Variants in ZMAT4 observed in about 807,000 individuals in gnomAD.
The protein encoded by ZMAT4 is zinc finger matrin-type protein 4.
In ZMAT4, 17 loss-of-function variants were observed where a neutral mutation model predicts 28.7. The observed-to-expected ratio is 0.59, with a 90% CI of 0.41 to 0.89. ZMAT4 has a LOEUF of 0.89. ZMAT4 is among the 40% of genes least tolerant of loss of function. The pLI is 0.00. For synonymous variants in ZMAT4, 117 were observed against 109.2 expected (o/e 1.07, Z -0.44); for missense variants, 240 against 283.8 (o/e 0.85, Z 1.11).
chr8:40,839,122 GA>G lies in ZMAT4; in HGVS notation c.-4-13443del, dbSNP rs543689189. Among the ~76,000 whole-genome samples the G allele has an allele frequency of 5.8e-4, 88 of 152,260 alleles. 2 individuals are homozygous for G. In the East Asian group the frequency reaches 9.9e-3, roughly 17 times the overall value. ...AGAATATTTACTACCTTCCTTTGAA[GA>G]ATCACCTTGGGCAGGCAGAAACCAA... On this transcript the variant is annotated intron_variant, in intron 1 of 6. Transcript: ENST00000297737.
intron 2 of ZMAT4, among the ~76,000 whole-genome samples, chr8:40,785,031 G>T (rs1248092960): frequency 6.6e-6 from 1 of 152,174 alleles, no homozygotes; most frequent in Non-Finnish European, 1.5e-5. Flanking sequence ...TCCAGTGCTG[G>T]ACTGCAGGAT....
intron 1 of ZMAT4, among the ~76,000 whole-genome samples, chr8:40,864,673 G>T (rs1162464128): frequency 6.6e-6 from 1 of 152,180 alleles, no homozygotes; most frequent in Non-Finnish European, 1.5e-5. Context: ...AGTGATGACA[G>T]TTGGGTTGTG....
chr8:40,624,022 T>TAAAACA (rs1806289443), intron 5 of ZMAT4, among the ~76,000 whole-genome samples: 1 of 152,198 alleles, frequency 6.6e-6, no homozygotes, highest in Non-Finnish European at 1.5e-5. Flanking sequence ...CTGTTTTTCT[T>TAAAACA]GCCTGTGCTT....
chr8:40,575,736 A>G (rs1446349548), intron 6 of ZMAT4, among the ~76,000 whole-genome samples: 1 of 151,648 alleles, frequency 6.6e-6, no homozygotes, highest in Non-Finnish European at 1.5e-5. Flanking sequence ...TTATCAATGT[A>G]GAGACATAAA....
intron 1 of ZMAT4, among the ~76,000 whole-genome samples, chr8:40,844,065 G>A (rs752697527): frequency 2.0e-4 from 31 of 152,186 alleles, no homozygotes; most frequent in Non-Finnish European, 2.9e-4. Flanking sequence ...CCAGCCTGGA[G>A]CACTCTGGAA....
intron 1 of ZMAT4, among the ~76,000 whole-genome samples, chr8:40,830,198 A>G (rs974722272): frequency 2.0e-5 from 3 of 152,104 alleles, no homozygotes; most frequent in Non-Finnish European, 4.4e-5. Flanking sequence ...TTAAATTTTT[A>G]TTTTAGGTTC....
chr8:40,792,658 GGAGATGAGGA>G (rs1563487660), intron 2 of ZMAT4, among the ~76,000 whole-genome samples: 1 of 1,110 alleles, frequency 9.0e-4, no homozygotes, highest in Non-Finnish European at 1.8e-3. Flanking sequence ...GGAGGGGAGG[GGAGATGAGGA>G]GAGGGGAGGG....
At chr8:40,758,375 G>T (rs7461281) in intron 3 of ZMAT4, among the ~76,000 whole-genome samples, 2,492 of 152,186 alleles carry the variant, frequency 0.016, 30 homozygotes, top group Non-Finnish European at 0.025. Context: ...ATGACAATCT[G>T]TAAGGTTTTT....
intron 5 of ZMAT4, among the ~76,000 whole-genome samples, chr8:40,604,736 T>C (rs1234323750): frequency 6.6e-6 from 1 of 152,182 alleles, no homozygotes. Context: ...ACTGGCCTCA[T>C]AGAACGATTT....
At chr8:40,589,149 G>C (rs144116502) in intron 5 of ZMAT4, among the ~76,000 whole-genome samples, 3 of 152,278 alleles carry the variant, frequency 2.0e-5, no homozygotes, top group Non-Finnish European at 4.4e-5. Context: ...TATAAGCACT[G>C]ATGTGCTTAC....
intron 4 of ZMAT4, among the ~76,000 whole-genome samples, chr8:40,680,986 A>G (rs565641991): frequency 3.9e-5 from 6 of 152,308 alleles, no homozygotes; most frequent in African/African-American, 1.2e-4. Flanking sequence ...TCTTATCCAC[A>G]ACAATAATTC....
intron 2 of ZMAT4, among the ~76,000 whole-genome samples, chr8:40,807,983 T>C (rs372581099): frequency 1.3e-5 from 2 of 152,220 alleles, no homozygotes; most frequent in Admixed American, 6.5e-5. Flanking sequence ...CCAGTGCACA[T>C]AGTGTCAAAG....
At chr8:40,564,984 T>C (rs1469186075) in intron 6 of ZMAT4, among the ~76,000 whole-genome samples, 1 of 152,186 alleles carries the variant, frequency 6.6e-6, no homozygotes, top group Non-Finnish European at 1.5e-5. Context: ...CTTTTATCTG[T>C]ACACTGTCTT....
chr8:40,584,708 A>G (rs1804609098), intron 5 of ZMAT4, among the ~76,000 whole-genome samples: 1 of 152,070 alleles, frequency 6.6e-6, no homozygotes, highest in Non-Finnish European at 1.5e-5. Context: ...ATGTCAGCTC[A>G]CTGCAACCTC....
intron 5 of ZMAT4, among the ~76,000 whole-genome samples, chr8:40,633,753 A>G: frequency 6.6e-6 from 1 of 152,194 alleles, no homozygotes; most frequent in Non-Finnish European, 1.5e-5. Context: ...ATGATTCTAT[A>G]GGAATAGCTT....
intron 3 of ZMAT4, among the ~76,000 whole-genome samples, chr8:40,742,993 C>T (rs1398810261): frequency 5.3e-5 from 8 of 152,124 alleles, no homozygotes; most frequent in African/African-American, 1.7e-4. Context: ...AAGTGGGTCA[C>T]CTGAGGTCAG....
intron 2 of ZMAT4, among the ~76,000 whole-genome samples, chr8:40,823,462 T>C (rs929945187): frequency 3.3e-5 from 5 of 152,056 alleles, no homozygotes; most frequent in South Asian, 4.1e-4. Context: ...ATCGAGACCA[T>C]CCTGGCTAAC....
intron 3 of ZMAT4, among the ~76,000 whole-genome samples, chr8:40,698,133 A>G (rs191080980): frequency 1.6e-3 from 237 of 152,296 alleles, no homozygotes; most frequent in African/African-American, 5.3e-3. Context: ...TCGATTCTGT[A>G]TCATAAAGCT....
chr8:40,678,028 G>A (rs938540140), intron 4 of ZMAT4, among the ~76,000 whole-genome samples: 9 of 152,156 alleles, frequency 5.9e-5, no homozygotes, highest in Admixed American at 1.3e-4. Flanking sequence ...GCATCAGGAT[G>A]TTTTTAAAAC....
Sources: allele counts gnomAD v4.1 joint callset (sites outside exome capture counted in the v4.1 genomes callset), GRCh38; gene constraint gnomAD v4.1.1; transcripts MANE v1.5; gene names NCBI Gene and HGNC (gene_info 2026-07-23, HGNC 2026-07-21).